RNF111: variants seen among roughly 807,000 people sequenced by gnomAD.
RNF111 encodes the protein ring finger protein 111.
A neutral mutation model predicts 95.1 loss-of-function variants in RNF111; 17 were observed. That is an observed-to-expected ratio of 0.18 (90% confidence interval 0.12 to 0.27). RNF111 has a LOEUF of 0.27. Ranked by LOEUF, RNF111 falls within the 10% of genes least tolerant of loss-of-function variation. The probability of loss-of-function intolerance (pLI) is 1.00; values close to 1 mark genes in which losing one functional copy is unlikely to be tolerated. For missense variants in RNF111, 1,189 were observed against 1,210.4 expected, an observed-to-expected ratio of 0.98 and a Z score of 0.26; for synonymous variants, 440 against 414.8, an observed-to-expected ratio of 1.06 and a Z score of -0.74.
At chr15:59,044,531 A>G (rs1407997663) in intron 2 of RNF111, among the ~76,000 whole-genome samples, 1 of 152,124 alleles carries the variant, frequency 6.6e-6, no homozygotes, top group Non-Finnish European at 1.5e-5. Flanking sequence ...TCATTGTTGT[A>G]CTACTCATAT....
intron 1 of RNF111, among the ~76,000 whole-genome samples, chr15:58,990,915 G>C (rs2038786294): frequency 6.6e-6 from 1 of 152,078 alleles, no homozygotes; most frequent in Non-Finnish European, 1.5e-5. Flanking sequence ...ACATCCTACA[G>C]ATTCTTGGTA....
chr15:59,090,161 A>G (rs1190154583), intron 11 of RNF111, among the ~76,000 whole-genome samples: 1 of 152,212 alleles, frequency 6.6e-6, no homozygotes, highest in Non-Finnish European at 1.5e-5. Flanking sequence ...ATTTTCAGGA[A>G]GAACAAATCA....
chr15:59,006,554 G>GTA (rs2039547543), intron 1 of RNF111, among the ~76,000 whole-genome samples: 2 of 152,082 alleles, frequency 1.3e-5, no homozygotes, highest in Admixed American at 1.3e-4. Context: ...ATTGTACAGT[G>GTA]AACGCCCATC....
Position 59,066,803 on chromosome 15 carries a change from C to T in RNF111, c.1406C>T (p.Thr469Ile). The change falls in exon 6 of 14, where the codon ACT (threonine) becomes ATT (isoleucine). Residue 469 changes from threonine to isoleucine, a missense_variant. Thr to Ile is a moderately conservative substitution (Grantham distance 89). Coordinates refer to ENST00000348370, the MANE Select transcript of RNF111 (RefSeq NM_017610.8). ...ACTACATCTAGTGCTGTAACGGAAA[C>T]TGGCCCTCCTGCAATGCCAAGGTTA... ...RRTTSSAVTE[T>I]GPPAMPRLPS... 2 of 1,614,032 alleles carry T rather than the reference C, an allele frequency of 1.2e-6. No homozygotes were observed. Among genetic ancestry groups the T allele is most frequent in the South Asian group, 1.1e-5 (1 of 91,080 alleles).
chr15:59,042,109 C>G (rs1318111368), intron 2 of RNF111, among the ~76,000 whole-genome samples: 1 of 151,674 alleles, frequency 6.6e-6, no homozygotes, highest in Admixed American at 6.6e-5. Context: ...TCTTGACTTA[C>G]ATACTTTTAT....
At chr15:59,011,141 G>T (rs1402190381) in intron 1 of RNF111, among the ~76,000 whole-genome samples, 2 of 152,030 alleles carry the variant, frequency 1.3e-5, no homozygotes, top group Non-Finnish European at 2.9e-5. Context: ...TTTATTCAGG[G>T]AAACTCTGCC....
chr15:59,082,121 A>G (rs1443657079), intron 8 of RNF111, among the ~76,000 whole-genome samples: 1 of 152,204 alleles, frequency 6.6e-6, no homozygotes, highest in Non-Finnish European at 1.5e-5. Flanking sequence ...TCCTCATTTC[A>G]CTAAGAAATT....
At chr15:58,998,375 T>C (rs892443877) in intron 1 of RNF111, among the ~76,000 whole-genome samples, 36 of 152,252 alleles carry the variant, frequency 2.4e-4, no homozygotes, top group African/African-American at 8.7e-4. Context: ...CTGTTAGTTA[T>C]TTTTCCTTAT....
chr15:59,005,111 A>G (rs2039480863), intron 1 of RNF111, among the ~76,000 whole-genome samples: 1 of 152,226 alleles, frequency 6.6e-6, no homozygotes, highest in African/African-American at 2.4e-5. Context: ...AACTTTCAGT[A>G]TGCCTATACT....
chr15:59,066,620 G>A, intron 5 of RNF111, 144 bp from the exon 6 acceptor site: 4 of 703,098 alleles, frequency 5.7e-6, no homozygotes, highest in Non-Finnish European at 9.2e-6. Flanking sequence ...AAAAAAAAAA[G>A]AACGTGGCAC....
chr15:59,022,108 C>T (rs1191474208), intron 1 of RNF111, among the ~76,000 whole-genome samples: 1 of 152,164 alleles, frequency 6.6e-6, no homozygotes, highest in Admixed American at 6.5e-5. Flanking sequence ...GATCTCCCCG[C>T]CTTGGCCGCC....
chr15:59,093,991 A>G (rs1446667532), intron 13 of RNF111, among the ~76,000 whole-genome samples: 1 of 152,206 alleles, frequency 6.6e-6, no homozygotes, highest in Non-Finnish European at 1.5e-5. Context: ...AACTCTTAAC[A>G]GTTGCTAGAA....
intron 5 of RNF111, among the ~76,000 whole-genome samples, chr15:59,062,243 A>G (rs957464604): frequency 4.6e-5 from 7 of 152,012 alleles, no homozygotes; most frequent in South Asian, 4.2e-4. Context: ...GGGTTTTGCC[A>G]TGTTGCCCAG....
intron 1 of RNF111, among the ~76,000 whole-genome samples, chr15:58,994,473 C>CTTTTTTTTTTTTTT (rs35787227): frequency 2.9e-5 from 2 of 69,522 alleles, no homozygotes; most frequent in African/African-American, 1.1e-4. Flanking sequence ...TTTTCTCTCT[C>CTTTTTTTTTTTTTT]TTTTTTTTTT....
chr15:59,004,727 A>G (rs966636069), intron 1 of RNF111, among the ~76,000 whole-genome samples: 5 of 152,234 alleles, frequency 3.3e-5, no homozygotes, highest in Admixed American at 2.6e-4. Context: ...GCCCAAATAT[A>G]CATTATAAAT....
At chr15:59,047,005 T>C (rs1329878990) in intron 2 of RNF111, among the ~76,000 whole-genome samples, 1 of 152,034 alleles carries the variant, frequency 6.6e-6, no homozygotes, top group Non-Finnish European at 1.5e-5. Context: ...GTAGCTTTTG[T>C]TGAGACGAGG....
intron 1 of RNF111, among the ~76,000 whole-genome samples, chr15:59,021,134 C>T (rs2040320230): frequency 6.6e-6 from 1 of 152,024 alleles, no homozygotes; most frequent in South Asian, 2.1e-4. Flanking sequence ...TAGGTTAGAT[C>T]CCAGATTTTA....
chr15:59,031,943 A>C (rs1398419929), intron 2 of RNF111, among the ~76,000 whole-genome samples: 1 of 151,992 alleles, frequency 6.6e-6, no homozygotes, highest in African/African-American at 2.4e-5. Context: ...ACCCTTCATT[A>C]CTTTTTTTTT....
At chr15:59,079,609 G>C (rs1235980663) in intron 7 of RNF111, among the ~76,000 whole-genome samples, 4 of 150,768 alleles carry the variant, frequency 2.7e-5, no homozygotes, top group African/African-American at 9.7e-5. Context: ...AGACTTCCAA[G>C]AACATCTTCC....
Sources: allele counts gnomAD v4.1 joint callset (sites outside exome capture counted in the v4.1 genomes callset), GRCh38; gene constraint gnomAD v4.1.1; transcripts MANE v1.5; gene names NCBI Gene and HGNC (gene_info 2026-07-23, HGNC 2026-07-21).